Variants in C4orf36 observed in about 807,000 individuals in gnomAD.
C4orf36 encodes the protein uncharacterized protein C4orf36.
C4orf36 carries 11 observed loss-of-function variants against 12.2 expected under a neutral mutation model. That is an observed-to-expected ratio of 0.90 (90% confidence interval 0.57 to 1.49). The LOEUF (loss-of-function observed/expected upper bound fraction) is 1.49. Among genes scored for constraint, C4orf36 ranks in the 40% most tolerant of loss-of-function variants. C4orf36 has a pLI of 0.00. For missense variants in C4orf36, 137 were observed against 133.9 expected (o/e 1.02, Z -0.11); for synonymous variants, 54 against 51.3 (o/e 1.05, Z -0.22).
chr4:86,909,893 TAAAAAAAA>T, the C4orf36 span, among the ~76,000 whole-genome samples: 2 of 73,298 alleles, frequency 2.7e-5, no homozygotes, highest in African/African-American at 9.8e-5. Flanking sequence ...GAGGAAGACT[TAAAAAAAA>T]AAAAAAAAAA....
At chr4:86,916,765 A>G in the C4orf36 span, among the ~76,000 whole-genome samples, 2 of 152,226 alleles carry the variant, frequency 1.3e-5, no homozygotes, top group African/African-American at 4.8e-5. Context: ...CCATCATGGT[A>G]TTCCACAGAG....
upstream of C4orf36, among the ~76,000 whole-genome samples, chr4:86,893,084 A>C (rs1747494096): frequency 6.6e-6 from 1 of 152,220 alleles, no homozygotes; most frequent in Non-Finnish European, 1.5e-5. Flanking sequence ...TGTTCTGAGG[A>C]TGAAAGATCC....
At chr4:86,923,087 CTTTTT>C in the C4orf36 span, among the ~76,000 whole-genome samples, 3 of 134,774 alleles carry the variant, frequency 2.2e-5, no homozygotes, top group African/African-American at 8.2e-5. Context: ...ATCCAGCTGC[CTTTTT>C]TTTTTTTTTT....
chr4:86,882,673 C>G (rs553226061), intron 4 of C4orf36, among the ~76,000 whole-genome samples: 2 of 152,320 alleles, frequency 1.3e-5, no homozygotes, highest in African/African-American at 4.8e-5. Context: ...TGCTCATGAA[C>G]TGTGTCTGTG....
chr4:86,889,633 C>G (rs1388986237), intron 2 of C4orf36, among the ~76,000 whole-genome samples: 1 of 152,046 alleles, frequency 6.6e-6, no homozygotes, highest in Admixed American at 6.6e-5. Flanking sequence ...GCTGGGCATG[C>G]TGGCTCATGC....
chr4:86,906,305 T>C, the C4orf36 span, among the ~76,000 whole-genome samples: 2 of 152,218 alleles, frequency 1.3e-5, no homozygotes, highest in African/African-American at 4.8e-5. Flanking sequence ...TAGAGTAGAT[T>C]GAACAATACT....
At chr4:86,932,592 A>G in the C4orf36 span, among the ~76,000 whole-genome samples, 875 of 152,082 alleles carry the variant, frequency 5.8e-3, 13 homozygotes, top group African/African-American at 0.02. Context: ...TGGGCTGTTT[A>G]GGTGCTCTGA....
chr4:86,917,519 GAA>G, the C4orf36 span, among the ~76,000 whole-genome samples: 1 of 144,338 alleles, frequency 6.9e-6, no homozygotes, highest in African/African-American at 2.5e-5. Context: ...AAAGAAGAAA[GAA>G]AAGAGAGAGA....
chr4:86,902,953 C>T, the C4orf36 span, among the ~76,000 whole-genome samples: 1 of 152,248 alleles, frequency 6.6e-6, no homozygotes, highest in Middle Eastern at 3.4e-3. Context: ...AAAGACAAGA[C>T]AGTGGTTACC....
At chr4:86,909,502 G>A in the C4orf36 span, among the ~76,000 whole-genome samples, 1 of 152,104 alleles carries the variant, frequency 6.6e-6, no homozygotes, top group African/African-American at 2.4e-5. Context: ...CAACAATTAA[G>A]GATGATCACT....
chr4:86,885,552 T>C (rs1747156065), intron 4 of C4orf36, among the ~76,000 whole-genome samples: 1 of 152,234 alleles, frequency 6.6e-6, no homozygotes, highest in Non-Finnish European at 1.5e-5. Flanking sequence ...TGATTTTGTA[T>C]CCTGAGACTT....
intron 4 of C4orf36, among the ~76,000 whole-genome samples, chr4:86,884,667 C>G (rs1344999676): frequency 6.6e-6 from 1 of 152,142 alleles, no homozygotes; most frequent in Non-Finnish European, 1.5e-5. Context: ...TAAAGCACCA[C>G]ATGTGAATAT....
chr4:86,895,136 A>G (rs1250327858), upstream of C4orf36, among the ~76,000 whole-genome samples: 1 of 151,932 alleles, frequency 6.6e-6, no homozygotes, highest in African/African-American at 2.4e-5. Context: ...CCATAGTGAG[A>G]CCCCATCTTT....
Position 86,892,341 on chromosome 4 carries a change from T to G in C4orf36, c.-232A>C. On this transcript the variant is annotated 5_prime_UTR_variant, in exon 1 of 5. It removes the in-frame stop codon of an upstream open reading frame in the 5' UTR. Transcript: ENST00000295898. ...GTACTGAGGTAAGAGCGCGCTGCGC[T>G]AAGCGCACATGGCCGCGCACACGCC... 1 of 985,428 alleles carries G rather than the reference T, an allele frequency of 1.0e-6. No individual in the cohort carries two copies. The highest frequency in any genetic ancestry group is 1.2e-6 in the Non-Finnish European group (1 of 829,950). The allele number at this position is 985,428 out of a possible 1,614,324, so 61.0% of individuals were successfully genotyped here. A position where few individuals can be genotyped will look rare whatever the true frequency, so the allele number is the denominator to read the frequency against.
chr4:86,926,450 C>T, the C4orf36 span: 1 of 152,206 alleles, frequency 6.6e-6, no homozygotes, highest in African/African-American at 2.4e-5. Context: ...TTTCACTTAA[C>T]ACACTTCCCC....
At chr4:86,922,585 CAG>C in the C4orf36 span, among the ~76,000 whole-genome samples, 1 of 152,180 alleles carries the variant, frequency 6.6e-6, no homozygotes, top group Admixed American at 6.5e-5. Flanking sequence ...GCAGGCATAG[CAG>C]AGAGGCAGTA....
chr4:86,884,467 G>A (rs1373698692), intron 4 of C4orf36, among the ~76,000 whole-genome samples: 3 of 151,966 alleles, frequency 2.0e-5, no homozygotes, highest in Non-Finnish European at 4.4e-5. Flanking sequence ...ACCATGTTCA[G>A]CTAATTTTTT....
chr4:86,910,460 T>C, the C4orf36 span, among the ~76,000 whole-genome samples: 39 of 152,204 alleles, frequency 2.6e-4, no homozygotes, highest in African/African-American at 8.2e-4. Context: ...TGGCAGAATA[T>C]AAAAAGTAAC....
the C4orf36 span, among the ~76,000 whole-genome samples, chr4:86,900,706 G>GC: frequency 0.92 from 139,342 of 151,984 alleles, 64,770 homozygotes; most frequent in Non-Finnish European, 0.99. Flanking sequence ...TAGAGAAGCT[G>GC]CCCGCCCATG....
Sources: gnomAD v4.1 joint callset for allele counts (sites outside exome capture counted in the v4.1 genomes callset) on GRCh38, gnomAD v4.1.1 for gene constraint, MANE v1.5 for transcripts, NCBI Gene and HGNC (gene_info 2026-07-23, HGNC 2026-07-21) for gene names.